SESTD1: variants seen among roughly 807,000 people sequenced by gnomAD.
The protein encoded by SESTD1 is SEC14 and spectrin domain containing 1.
A neutral mutation model predicts 101.7 loss-of-function variants in SESTD1; 43 were observed. The ratio of observed to expected loss-of-function variants is 0.42; its 90% confidence interval spans 0.33 to 0.55. The LOEUF is 0.55. Ranked by LOEUF, SESTD1 falls within the 20% of genes least tolerant of loss-of-function variation. The probability of loss-of-function intolerance (pLI) is 0.07; values close to 1 mark genes in which losing one functional copy is unlikely to be tolerated. For synonymous variants in SESTD1, 283 were observed against 286.8 expected, an observed-to-expected ratio of 0.99 and a Z score of 0.13; for missense variants, 647 against 815.1, an observed-to-expected ratio of 0.79 and a Z score of 2.51.
Position 179,103,141 on chromosome 2 carries a change from C to T in SESTD1, c.*6758G>A, listed in dbSNP as rs557762470. On this transcript the variant is annotated 3_prime_UTR_variant, in exon 18 of 18. Coordinates refer to ENST00000428443, the MANE Select transcript of SESTD1 (RefSeq NM_178123.5). ...CATATCACCATGGTTGGGCTTTAAC[C>T]TTTCAAGGAGTGAAATATTGCTAAA... is the stretch of plus-strand genomic sequence containing the variant. The T allele has an allele frequency of 6.6e-6, 1 of 152,132 alleles. No homozygotes were observed. 9.4% of individuals were successfully genotyped at this position (152,132 alleles called of 1,614,324 possible).
rs941880685 is a variant in SESTD1, at chr2:179,247,674, A to G, written c.-26+16825T>C. On this transcript the variant is annotated intron_variant, in intron 1 of 17. Transcript: ENST00000428443. ...AGGCAGGTCTTGAAGTCCTAGGCTCAAGGGATCCTCCTGCCTTGGTCTCCC... is the reference window on the plus strand; with the variant it reads ...AGGCAGGTCTTGAAGTCCTAGGCTCGAGGGATCCTCCTGCCTTGGTCTCCC... Among the ~76,000 whole-genome samples, 11 of 152,062 alleles carry G rather than the reference A, an allele frequency of 7.2e-5. No individual in the cohort carries two copies. In the South Asian group the frequency reaches 2.1e-3, roughly 29 times the overall value.
chr2:179,130,753 G>C (rs2044993138), intron 10 of SESTD1, among the ~76,000 whole-genome samples: 3 of 151,940 alleles, frequency 2.0e-5, no homozygotes, highest in Non-Finnish European at 4.4e-5. Context: ...ATGTTCTAGA[G>C]TAAATACAGT....
intron 1 of SESTD1, among the ~76,000 whole-genome samples, chr2:179,245,780 G>A (rs1195101491): frequency 1.3e-5 from 2 of 152,048 alleles, no homozygotes; most frequent in African/African-American, 4.8e-5. Flanking sequence ...TAAAATGGCA[G>A]ACGTAAGCCC....
At chr2:179,182,267 C>T (rs978593969) in intron 3 of SESTD1, among the ~76,000 whole-genome samples, 2 of 152,104 alleles carry the variant, frequency 1.3e-5, no homozygotes, top group Non-Finnish European at 2.9e-5. Flanking sequence ...CAAACACACA[C>T]ACACACACAC....
Position 179,176,603 on chromosome 2 carries a change from A to C in SESTD1, c.165-65T>G. On this transcript the variant is annotated intron_variant, in intron 3 of 17. Transcript: ENST00000428443. ...CAGATTTCGTTCTTCATAATTCTAA[A>C]TAAAGAAGGTTTAAAACTTAATCGC... is the stretch of plus-strand genomic sequence containing the variant. The C allele has an allele frequency of 1.5e-6, 2 of 1,344,162 alleles. 1 individual carries two copies. Among genetic ancestry groups the C allele is most frequent in the Admixed American group, 3.7e-5 (2 of 53,930 alleles). 83.3% of individuals were successfully genotyped at this position (1,344,162 alleles called of 1,614,324 possible). A position where few individuals can be genotyped will look rare whatever the true frequency, so the allele number is the denominator to read the frequency against.
chr2:179,215,603 C>A (rs1169926003), intron 1 of SESTD1, among the ~76,000 whole-genome samples: 1 of 134,578 alleles, frequency 7.4e-6, no homozygotes, highest in East Asian at 2.0e-4. Flanking sequence ...CCAGTCCAAT[C>A]AATAGAAAAA....
In SESTD1 at chr2:179,115,066, T is replaced by C; in HGVS notation, c.1838A>G (p.Lys613Arg). 6.2e-7 allele frequency: 1 copy of C among 1,607,538 alleles called. No homozygotes were observed. Among genetic ancestry groups the C allele is most frequent in the South Asian group, 1.1e-5 (1 of 89,354 alleles). Residue 613 changes from lysine (K) to arginine (R), a missense_variant and splice_region_variant, in exon 16 of 18, where the codon AAG becomes AGG. This residue lies in a region of SESTD1 where 476 missense variants were observed against 562.6 expected (regional missense o/e 0.85). Coordinates refer to ENST00000428443, the MANE Select transcript of SESTD1 (RefSeq NM_178123.5). Reference sequence around the variant, plus strand: ...AACATTTCAAAAACACAAGCAAACCTTTTCAGCATTTGAGTGAAATGCAAT... The same window carrying C: ...AACATTTCAAAAACACAAGCAAACCCTTTCAGCATTTGAGTGAAATGCAAT... ...MAIAFHSNAE[K>R]ILQDCPEEPE...
chr2:179,149,228 A>G, intron 7 of SESTD1, 69 bp downstream of exon 7: 2 of 1,104,564 alleles, frequency 1.8e-6, no homozygotes, highest in African/African-American at 1.6e-5. Context: ...TGCATTAACA[A>G]TAGAGATATC....
chr2:179,242,509 C>T (rs891288604), intron 1 of SESTD1, among the ~76,000 whole-genome samples: 1 of 152,156 alleles, frequency 6.6e-6, no homozygotes, highest in Non-Finnish European at 1.5e-5. Context: ...GTACCCAAAG[C>T]AATTCTAAGC....
intron 1 of SESTD1, among the ~76,000 whole-genome samples, chr2:179,227,659 C>T (rs1443330940): frequency 6.6e-6 from 1 of 152,160 alleles, no homozygotes; most frequent in African/African-American, 2.4e-5. Context: ...AAAGAGCTTT[C>T]TTAAAGTCTC....
Position 179,109,990 on chromosome 2 carries a change from G to C in SESTD1, c.2000C>G (p.Ser667Cys), listed in dbSNP as rs1267216429. The part of the protein sequence containing the change: ...QYFGSPSDMA[S>C]TAENIRDRMK... ...CCTGTCTCTGATGTTTTCTGCAGTAGAAGCCATGTCACTTGGACTCCCAAA... is the reference window on the plus strand; with the variant it reads ...CCTGTCTCTGATGTTTTCTGCAGTACAAGCCATGTCACTTGGACTCCCAAA... Residue 667 changes from serine (S) to cysteine (C), a missense_variant, in exon 18 of 18, where the codon TCT (serine) becomes TGT (cysteine). By Grantham distance (112) the Ser-to-Cys change is moderately radical (BLOSUM62 -1). Coordinates refer to ENST00000428443, the MANE Select transcript of SESTD1 (RefSeq NM_178123.5). 6.2e-7 allele frequency: 1 copy of C among 1,613,686 alleles called. No homozygotes were observed. Among genetic ancestry groups the C allele is most frequent in the Non-Finnish European group, 8.5e-7 (1 of 1,179,868 alleles).
At chr2:179,180,018 A>G (rs72951273) in intron 3 of SESTD1, among the ~76,000 whole-genome samples, 3,268 of 151,358 alleles carry the variant, frequency 0.022, 49 homozygotes, top group South Asian at 0.039. Context: ...CTTATTTTGT[A>G]AAGTATCACC....
At chr2:179,151,251 C>CATTTT in intron 6 of SESTD1, 27 bp downstream of exon 6, 1 of 1,372,400 alleles carries the variant, frequency 7.3e-7, no homozygotes, top group Non-Finnish European at 1.0e-6. Context: ...TATGCAATAA[C>CATTTT]ATTTTATCTC....
chr2:179,123,856 A>C (rs765921904), intron 11 of SESTD1, 27 bp from the exon 12 acceptor site: 203 of 1,515,298 alleles, frequency 1.3e-4, no homozygotes, highest in Non-Finnish European at 1.7e-4. Context: ...CCAAAGAGAT[A>C]ACCCTGATGT....
chr2:179,136,791 T>G (rs2105433629), intron 9 of SESTD1, among the ~76,000 whole-genome samples: 1 of 152,266 alleles, frequency 6.6e-6, no homozygotes, highest in South Asian at 2.1e-4. Context: ...AACAATTCAT[T>G]AACATGGAAC....
chr2:179,204,725 CCCA>C lies in SESTD1; in HGVS notation c.-25-12862_-25-12860del, dbSNP rs1054892503. Among the ~76,000 whole-genome samples the C allele has an allele frequency of 2.2e-5, 3 of 135,112 alleles. 1 individual carries two copies. The highest frequency in any genetic ancestry group is 4.8e-5 in the Non-Finnish European group (3 of 62,860). 88.6% of individuals were successfully genotyped at this position (135,112 alleles called of 152,430 possible). ...TCATGCTAAGGCACCAGCACTTTTTCCCACCAATGCTTTTACACCATCAGCACA... is the reference window on the plus strand; with the variant it reads ...TCATGCTAAGGCACCAGCACTTTTTCCCAATGCTTTTACACCATCAGCACA... On this transcript the variant is annotated intron_variant, in intron 1 of 17. Coordinates refer to ENST00000428443, the MANE Select transcript of SESTD1 (RefSeq NM_178123.5).
At chr2:179,172,753 T>C (rs1401087467) in intron 4 of SESTD1, among the ~76,000 whole-genome samples, 5 of 152,230 alleles carry the variant, frequency 3.3e-5, no homozygotes, top group Non-Finnish European at 4.4e-5. Flanking sequence ...AATTTCACAT[T>C]TACTTGATAT....
chr2:179,209,061 G>A (rs2046621168), intron 1 of SESTD1, among the ~76,000 whole-genome samples: 1 of 134,798 alleles, frequency 7.4e-6, no homozygotes, highest in African/African-American at 2.9e-5. Context: ...CCAAAAGTGA[G>A]CAGGCGTGGC....
chr2:179,256,667 C>A (rs892405309), intron 1 of SESTD1, among the ~76,000 whole-genome samples: 4 of 151,904 alleles, frequency 2.6e-5, no homozygotes, highest in African/African-American at 4.8e-5. Context: ...AAAAAATGAG[C>A]CGGGCATGGT....
Sources: allele counts gnomAD v4.1 joint callset (sites outside exome capture counted in the v4.1 genomes callset), GRCh38; gene constraint gnomAD v4.1.1; regional missense constraint gnomAD v4.1.1; transcripts MANE v1.5; gene names NCBI Gene and HGNC (gene_info 2026-07-23, HGNC 2026-07-21).